BICC1: variants seen among roughly 807,000 people sequenced by gnomAD.
BICC1 encodes the protein protein bicaudal C homolog 1.
BICC1 carries 43 observed loss-of-function variants against 111.0 expected under a neutral mutation model. The observed-to-expected ratio is 0.39, with a 90% confidence interval of 0.30 to 0.50. The LOEUF is 0.50. Ranked by LOEUF, BICC1 falls within the 20% of genes least tolerant of loss-of-function variation. BICC1 has a pLI of 0.88. For synonymous variants in BICC1, 467 were observed against 434.4 expected (o/e 1.07, Z -0.93); for missense variants, 1,091 against 1,203.2 (o/e 0.91, Z 1.38).
At chr10:58,593,030 G>A (rs945989747) in intron 1 of BICC1, among the ~76,000 whole-genome samples, 13 of 152,014 alleles carry the variant, frequency 8.6e-5, no homozygotes, top group East Asian at 5.8e-4. Flanking sequence ...TGACTGGGAC[G>A]TTCGAGCTTG....
intron 1 of BICC1, among the ~76,000 whole-genome samples, chr10:58,551,779 A>G (rs1318196270): frequency 6.6e-6 from 1 of 152,126 alleles, no homozygotes; most frequent in Non-Finnish European, 1.5e-5. Flanking sequence ...GACTTTTATG[A>G]CTTCTGACCT....
intron 1 of BICC1, among the ~76,000 whole-genome samples, chr10:58,534,957 A>C (rs1842788461): frequency 6.6e-6 from 1 of 151,692 alleles, no homozygotes; most frequent in South Asian, 2.1e-4. Context: ...TGCAGTGGAA[A>C]GTGTTAATAA....
intron 3 of BICC1, among the ~76,000 whole-genome samples, chr10:58,775,036 A>G (rs1398123151): frequency 6.6e-6 from 1 of 152,106 alleles, no homozygotes; most frequent in Non-Finnish European, 1.5e-5. Context: ...TTGCTTTTAG[A>G]AAAAACAGTT....
chr10:58,663,787 A>T (rs1023677841), intron 2 of BICC1, among the ~76,000 whole-genome samples: 3 of 152,216 alleles, frequency 2.0e-5, no homozygotes, highest in Non-Finnish European at 2.9e-5. Context: ...GATGCCAAAA[A>T]GGTTGGAGAT....
intron 1 of BICC1, among the ~76,000 whole-genome samples, chr10:58,589,937 C>G (rs899453982): frequency 6.6e-6 from 1 of 152,098 alleles, no homozygotes; most frequent in African/African-American, 2.4e-5. Context: ...TCCCGAGTAG[C>G]TAGGACCATA....
intron 2 of BICC1, among the ~76,000 whole-genome samples, chr10:58,680,255 A>T (rs567369711): frequency 2.8e-4 from 42 of 152,194 alleles, no homozygotes; most frequent in African/African-American, 1.0e-3. Flanking sequence ...TGCAGATGAC[A>T]TGCCTGTATA....
intron 2 of BICC1, among the ~76,000 whole-genome samples, chr10:58,684,053 A>G (rs541769328): frequency 1.3e-5 from 2 of 152,338 alleles, no homozygotes; most frequent in African/African-American, 2.4e-5. Context: ...CGTTCCACCA[A>G]TACCTAGTTT....
chr10:58,781,693 T>C (rs982174157), intron 3 of BICC1, among the ~76,000 whole-genome samples: 1 of 152,208 alleles, frequency 6.6e-6, no homozygotes, highest in African/African-American at 2.4e-5. Flanking sequence ...AAAGGAAATC[T>C]TAATCCCTTT....
chr10:58,596,247 G>T (rs1413264962), intron 1 of BICC1, among the ~76,000 whole-genome samples: 2 of 152,138 alleles, frequency 1.3e-5, no homozygotes, highest in African/African-American at 4.8e-5. Flanking sequence ...GGGATGCAAG[G>T]CTGGTTCAAC....
intron 9 of BICC1, among the ~76,000 whole-genome samples, chr10:58,794,936 G>A (rs1231151239): frequency 6.6e-6 from 1 of 152,138 alleles, no homozygotes; most frequent in African/African-American, 2.4e-5. Context: ...ATGGTGTTGA[G>A]TAAAAAAAGT....
chr10:58,765,007 TA>T (rs1842418341), intron 3 of BICC1, among the ~76,000 whole-genome samples: 2 of 152,198 alleles, frequency 1.3e-5, no homozygotes. Context: ...TATGGTCTAA[TA>T]TTCCTAGGGA....
At chr10:58,582,579 A>G (rs540414426) in intron 1 of BICC1, among the ~76,000 whole-genome samples, 1 of 152,166 alleles carries the variant, frequency 6.6e-6, no homozygotes, top group Non-Finnish European at 1.5e-5. Context: ...AATTACCACA[A>G]CCTTAGTGGC....
At chr10:58,745,524 C>T (rs12764407) in intron 3 of BICC1, among the ~76,000 whole-genome samples, 23 of 149,996 alleles carry the variant, frequency 1.5e-4, no homozygotes, top group Admixed American at 4.7e-4. Context: ...CTAAAGTCAA[C>T]GTGAAAGCAG....
At chr10:58,713,590 A>C (rs748174883) in intron 3 of BICC1, among the ~76,000 whole-genome samples, 33 of 152,380 alleles carry the variant, frequency 2.2e-4, no homozygotes, top group Non-Finnish European at 3.7e-4. Flanking sequence ...TCAAAATTCA[A>C]GACACGGTAA....
intron 1 of BICC1, among the ~76,000 whole-genome samples, chr10:58,608,179 G>A (rs777954197): frequency 6.6e-6 from 1 of 151,782 alleles, no homozygotes; most frequent in African/African-American, 2.4e-5. Context: ...TTTTCCTCCC[G>A]CATTCTATAA....
chr10:58,701,185 TC>T (rs1308703371), intron 2 of BICC1, among the ~76,000 whole-genome samples: 3 of 152,336 alleles, frequency 2.0e-5, no homozygotes, highest in African/African-American at 7.2e-5. Flanking sequence ...ATAAATATTA[TC>T]CCAGTCTAAT....
At chr10:58,586,748 T>C (rs1844444469) in intron 1 of BICC1, among the ~76,000 whole-genome samples, 8 of 152,074 alleles carry the variant, frequency 5.3e-5, no homozygotes, top group Admixed American at 5.2e-4. Context: ...AATATATGTA[T>C]ACATAGGCAG....
chr10:58,535,085 T>C lies in BICC1; in HGVS notation c.190+21752T>C, dbSNP rs575704919. 5.3e-4 allele frequency among the ~76,000 whole-genome samples: 80 copies of C among 151,752 alleles called. No individual in the cohort carries two copies. The South Asian group carries it at 6.4e-3, about 12-fold the overall frequency. Reference sequence around the variant, plus strand: ...GAAGAAACAAAGTCTCCAAGAAATATGGGATTATGCAAAACAGACAAAGAA... The same window carrying C: ...GAAGAAACAAAGTCTCCAAGAAATACGGGATTATGCAAAACAGACAAAGAA... On this transcript the variant is annotated intron_variant, in intron 1 of 20. Coordinates refer to ENST00000373886, the MANE Select transcript of BICC1 (RefSeq NM_001080512.3).
chr10:58,757,355 T>C (rs1337612098), intron 3 of BICC1, among the ~76,000 whole-genome samples: 3 of 152,232 alleles, frequency 2.0e-5, no homozygotes, highest in Non-Finnish European at 4.4e-5. Flanking sequence ...TTTGACGTTA[T>C]GGTTAAATAT....
Sources: allele counts gnomAD v4.1 joint callset (sites outside exome capture counted in the v4.1 genomes callset), GRCh38; gene constraint gnomAD v4.1.1; transcripts MANE v1.5; gene names NCBI Gene and HGNC (gene_info 2026-07-23, HGNC 2026-07-21).